PLXDC1: variants seen among roughly 807,000 people sequenced by gnomAD.
PLXDC1 encodes the protein plexin domain containing 1.
PLXDC1 carries 39 observed loss-of-function variants against 61.3 expected under a neutral mutation model. The observed-to-expected ratio is 0.64, with a 90% CI of 0.49 to 0.83. The LOEUF is 0.83. PLXDC1 is among the 40% of genes least tolerant of loss of function. PLXDC1 has a pLI of 0.00. For missense variants in PLXDC1, 596 were observed against 666.5 expected, an observed-to-expected ratio of 0.89 and a Z score of 1.17; for synonymous variants, 212 against 254.5, an observed-to-expected ratio of 0.83 and a Z score of 1.59.
rs1908950271 is a variant in PLXDC1 at position 39,067,777 on chromosome 17, T to G, written c.*63A>C. 6.6e-7 allele frequency: 1 copy of G among 1,522,320 alleles called. No homozygotes were observed. Among genetic ancestry groups the G allele is most frequent in the African/African-American group, 1.4e-5 (1 of 72,790 alleles). 94.3% of individuals were successfully genotyped at this position (1,522,320 alleles called of 1,614,324 possible). Reference sequence around the variant, plus strand: ...GGGAGAGGCCAGGAAAAGTCACTTCTCTTCTTTGCTTTAACTGTCTTTTCT... The same window carrying G: ...GGGAGAGGCCAGGAAAAGTCACTTCGCTTCTTTGCTTTAACTGTCTTTTCT... On this transcript the variant is annotated 3_prime_UTR_variant, in exon 14 of 14. Transcript: ENST00000315392.
intron 11 of PLXDC1, among the ~76,000 whole-genome samples, chr17:39,077,519 G>A (rs1002709456): frequency 1.3e-5 from 2 of 152,206 alleles, no homozygotes; most frequent in African/African-American, 4.8e-5. Context: ...ACGCCTGAGT[G>A]TATGGACTGA....
chr17:39,152,158 C>G (rs553837364), upstream of PLXDC1, among the ~76,000 whole-genome samples: 12 of 149,864 alleles, frequency 8.0e-5, no homozygotes, highest in African/African-American at 2.5e-4. Flanking sequence ...TCCCACCCCC[C>G]TTCCATGACT....
chr17:39,087,787 G>C (rs1909799744), intron 7 of PLXDC1, 85 bp from the exon 8 acceptor site: 1 of 946,978 alleles, frequency 1.1e-6, no homozygotes, highest in African/African-American at 1.6e-5. Context: ...TGACAGGTCA[G>C]CCTGCTGCAC....
chr17:39,151,255 C>G lies in PLXDC1; in HGVS notation c.76+107G>C, dbSNP rs1252046299. On this transcript the variant is annotated intron_variant, in intron 1 of 13. Coordinates refer to ENST00000315392, the MANE Select transcript of PLXDC1 (RefSeq NM_020405.5). This position sits in a 1 kb window ranked among gnomAD's most constrained non-coding sequence, Gnocchi z 5.2. ...CTCTCCTGGCCTCCTGCGGACAATG[C>G]CCCCCTCGCGGACATCGCCAGGCCG... 1 of 825,382 alleles carries G rather than the reference C, an allele frequency of 1.2e-6. No individual in the cohort carries two copies. Among genetic ancestry groups the G allele is most frequent in the East Asian group, 3.4e-5 (1 of 29,672 alleles). 51.1% of individuals were successfully genotyped at this position (825,382 alleles called of 1,614,324 possible). A position where few individuals can be genotyped will look rare whatever the true frequency, so the allele number is the denominator to read the frequency against.
chr17:39,099,524 T>C (rs558125444), intron 7 of PLXDC1, among the ~76,000 whole-genome samples: 49 of 151,966 alleles, frequency 3.2e-4, no homozygotes, highest in African/African-American at 1.0e-3. Flanking sequence ...AGAAGCAGCC[T>C]GGGGAGTTTG....
intron 2 of PLXDC1, among the ~76,000 whole-genome samples, chr17:39,135,815 A>G (rs1238764132): frequency 1.3e-5 from 2 of 152,146 alleles, no homozygotes; most frequent in East Asian, 3.8e-4. Flanking sequence ...CCATTGCCCC[A>G]GTGTTTCTGA....
rs566446141 is a variant in PLXDC1 at position 39,125,416 on chromosome 17, G to A, written c.255+14238C>T. Among the ~76,000 whole-genome samples, 7 of 151,916 alleles carry A rather than the reference G, an allele frequency of 4.6e-5. No homozygotes were observed. In the South Asian group the frequency reaches 1.3e-3, roughly 27 times the overall value. Reference sequence around the variant, plus strand: ...GTACAGAGGATATGGACTGGCATTGGGGGTATTAAGCATTTCTTAATACCC... The same window carrying A: ...GTACAGAGGATATGGACTGGCATTGAGGGTATTAAGCATTTCTTAATACCC... On this transcript the variant is annotated intron_variant, in intron 2 of 13. Coordinates refer to ENST00000315392, the MANE Select transcript of PLXDC1 (RefSeq NM_020405.5).
chr17:39,128,762 G>A (rs1911435285), intron 2 of PLXDC1, among the ~76,000 whole-genome samples: 1 of 151,956 alleles, frequency 6.6e-6, no homozygotes, highest in Admixed American at 6.6e-5. Flanking sequence ...TGTAATCCCA[G>A]CACTTTGGGA....
chr17:39,069,840 C>T lies in PLXDC1; in HGVS notation c.1383+16G>A, dbSNP rs754857940. Reference sequence around the variant, plus strand: ...CAGAAGCAGACAGGAGCCCTGTGGCCACAGATGACACGGACCTCGATGAAG... The same window carrying T: ...CAGAAGCAGACAGGAGCCCTGTGGCTACAGATGACACGGACCTCGATGAAG... On this transcript the variant is annotated intron_variant, in intron 13 of 13. Transcript: ENST00000315392. 3 of 1,608,924 alleles carry T rather than the reference C, an allele frequency of 1.9e-6. No individual in the cohort carries two copies. In the East Asian group the frequency reaches 6.7e-5, roughly 36 times the overall value.
At chr17:39,093,236 T>C (rs1910021545) in intron 7 of PLXDC1, among the ~76,000 whole-genome samples, 2 of 150,616 alleles carry the variant, frequency 1.3e-5, no homozygotes, top group African/African-American at 4.9e-5. Flanking sequence ...GCCCTGGTAA[T>C]TTTTTTTTAT....
chr17:39,109,918 G>A (rs570675707), intron 2 of PLXDC1, among the ~76,000 whole-genome samples: 5 of 152,290 alleles, frequency 3.3e-5, no homozygotes, highest in African/African-American at 7.2e-5. Context: ...CGAGGCGGGC[G>A]GATCACGGGA....
chr17:39,116,728 G>A (rs989397374), intron 2 of PLXDC1, among the ~76,000 whole-genome samples: 19 of 152,200 alleles, frequency 1.2e-4, no homozygotes, highest in African/African-American at 3.6e-4. Context: ...TAGACCAAGC[G>A]TCTGAGAGCC....
intron 2 of PLXDC1, among the ~76,000 whole-genome samples, chr17:39,129,254 G>A (rs1423845549): frequency 6.6e-6 from 1 of 151,134 alleles, no homozygotes; most frequent in African/African-American, 2.4e-5. Flanking sequence ...GGAGACAGAG[G>A]TTGCAGTGAG....
At chr17:39,123,216 G>A (rs1911219453) in intron 2 of PLXDC1, among the ~76,000 whole-genome samples, 1 of 152,090 alleles carries the variant, frequency 6.6e-6, no homozygotes, top group African/African-American at 2.4e-5. Flanking sequence ...TTGAGACGGA[G>A]TTTCACTCCT....
intron 2 of PLXDC1, among the ~76,000 whole-genome samples, chr17:39,110,612 C>T (rs1007712771): frequency 3.3e-5 from 5 of 152,168 alleles, no homozygotes; most frequent in South Asian, 2.1e-4. Flanking sequence ...GAGGTGGGGC[C>T]GCTGACCTGT....
At chr17:39,098,625 A>T (rs1210454479) in intron 7 of PLXDC1, among the ~76,000 whole-genome samples, 1 of 152,228 alleles carries the variant, frequency 6.6e-6, no homozygotes, top group Non-Finnish European at 1.5e-5. Flanking sequence ...AAGAAGAAGA[A>T]GAAAAAAGTA....
At position 39,151,499 on chromosome 17, in the gene PLXDC1, C is replaced by G. The variant is rs1457913891; in HGVS notation, c.-62G>C. The G allele has an allele frequency of 2.4e-6, 3 of 1,231,082 alleles. No homozygotes were observed. The highest frequency in any genetic ancestry group is 1.0e-6 in the Non-Finnish European group (1 of 986,584). 76.3% of individuals were successfully genotyped at this position (1,231,082 alleles called of 1,614,324 possible). A position where few individuals can be genotyped will look rare whatever the true frequency, so the allele number is the denominator to read the frequency against. On this transcript the variant is annotated 5_prime_UTR_variant, in exon 1 of 14. Coordinates refer to ENST00000315392, the MANE Select transcript of PLXDC1 (RefSeq NM_020405.5). The surrounding 1 kb of genome is among the most constrained non-coding windows in gnomAD (Gnocchi z 5.2). The stretch of plus-strand genomic sequence containing the variant: ...CCCCGGTCCTGACGAGGGAGGGGGC[C>G]CTGGCTCAGGCTGCGGCCGCGCGGT...
chr17:39,107,946 G>C, intron 5 of PLXDC1, 177 bp downstream of exon 5: 1 of 711,896 alleles, frequency 1.4e-6, no homozygotes, highest in East Asian at 2.5e-5. Flanking sequence ...GATTCTTCTG[G>C]GTAGCAGGCA....
intron 1 of PLXDC1, among the ~76,000 whole-genome samples, chr17:39,150,682 C>T (rs1215650333): frequency 6.6e-6 from 1 of 152,146 alleles, no homozygotes. Context: ...ACCCCCTACC[C>T]CAGTGCCCCA....
Sources: allele counts gnomAD v4.1 joint callset (sites outside exome capture counted in the v4.1 genomes callset), GRCh38; gene constraint gnomAD v4.1.1; non-coding constraint Gnocchi (gnomAD v3.1); transcripts MANE v1.5; gene names NCBI Gene and HGNC (gene_info 2026-07-23, HGNC 2026-07-21).